Variants in PCDHA5 observed in about 807,000 individuals in gnomAD.
The protein encoded by PCDHA5 is protocadherin alpha-5.
PCDHA5 carries 43 observed loss-of-function variants against 61.6 expected under a neutral mutation model. That is an observed-to-expected ratio of 0.70 (90% CI 0.55 to 0.90). The LOEUF is 0.90. PCDHA5 is among the 40% of genes least tolerant of loss of function. The pLI is 0.00. For synonymous variants in PCDHA5, 627 were observed against 543.9 expected (o/e 1.15, Z -2.13); for missense variants, 1,298 against 1,222.7 (o/e 1.06, Z -0.92).
chr5:140,861,442 G>T (rs251368), intron 1 of PCDHA5: 232,262 of 488,424 alleles, frequency 0.48, 56,771 homozygotes, highest in South Asian at 0.56. Context: ...TCCAAAAGCC[G>T]CAGAAACCTT....
At chr5:140,873,291 T>G (rs1392246125) in intron 1 of PCDHA5, among the ~76,000 whole-genome samples, 1 of 152,198 alleles carries the variant, frequency 6.6e-6, no homozygotes, top group Admixed American at 6.5e-5. Context: ...TTATGAAACT[T>G]TATAAATATA....
At chr5:140,852,905 G>C in intron 1 of PCDHA5, 3 of 819,178 alleles carry the variant, frequency 3.7e-6, no homozygotes, top group Non-Finnish European at 4.5e-6. Flanking sequence ...TTGAGTCAGA[G>C]TCTCGCTCTG....
intron 1 of PCDHA5, chr5:140,830,082 C>G: frequency 6.2e-7 from 1 of 1,613,566 alleles, no homozygotes; most frequent in Non-Finnish European, 8.5e-7. Context: ...GCGACGGCCA[C>G]GGTTCTGGTG....
chr5:140,951,544 G>T (rs543008494), intron 1 of PCDHA5, among the ~76,000 whole-genome samples: 1 of 151,878 alleles, frequency 6.6e-6, no homozygotes, highest in Non-Finnish European at 1.5e-5. Flanking sequence ...AGCAAGGGAC[G>T]GGGGGAAGTG....
chr5:140,882,767 G>T lies in PCDHA5; in HGVS notation c.2352+58640G>T, dbSNP rs1348655523. ...CGATGCAGATATTGGAGTAAACTCG[G>T]CATTGACCTACCGACTGGATCCCAA... On this transcript the variant is annotated intron_variant, in intron 1 of 3. Transcript: ENST00000529859. 1.9e-6 allele frequency: 3 copies of T among 1,614,058 alleles called. No individual in the cohort carries two copies. The South Asian group carries it at 3.3e-5, about 18-fold the overall frequency.
chr5:140,954,737 T>C (rs1208625491), intron 1 of PCDHA5, among the ~76,000 whole-genome samples: 38 of 152,210 alleles, frequency 2.5e-4, no homozygotes, highest in Non-Finnish European at 1.5e-5. Flanking sequence ...TTCACTCTGA[T>C]GATAGTTTCT....
rs2095730579 is a variant in PCDHA5 at position 140,963,035 on chromosome 5, T to C, written c.2353-15914T>C. Among the ~76,000 whole-genome samples, 3 of 152,330 alleles carry C rather than the reference T, an allele frequency of 2.0e-5. No individual in the cohort carries two copies. The South Asian group carries it at 6.2e-4, about 32-fold the overall frequency. On this transcript the variant is annotated intron_variant, in intron 1 of 3. Transcript: ENST00000529859. ...AAGAAAATGAAGCAATTAACATTTA[T>C]TGAGAGTCTATAAGGGTTTCTACAT...
chr5:140,884,116 C>T (rs1554181240), intron 1 of PCDHA5: 2 of 1,613,304 alleles, frequency 1.2e-6, no homozygotes, highest in South Asian at 2.2e-5. Context: ...TGGCGGCGGT[C>T]GGCGCGCGCA....
intron 1 of PCDHA5, among the ~76,000 whole-genome samples, chr5:140,917,537 A>G (rs1433498846): frequency 2.0e-5 from 3 of 152,222 alleles, no homozygotes; most frequent in Middle Eastern, 3.2e-3. Flanking sequence ...GTATAGTTTT[A>G]GGTTTTACAT....
chr5:140,993,631 G>A (rs1466996708), intron 3 of PCDHA5, among the ~76,000 whole-genome samples: 2 of 152,162 alleles, frequency 1.3e-5, no homozygotes, highest in African/African-American at 2.4e-5. Context: ...ATATATAGTC[G>A]TGTACCAAAT....
At chr5:140,858,550 C>G (rs1554151768) in intron 1 of PCDHA5, 1 of 1,392,416 alleles carries the variant, frequency 7.2e-7, no homozygotes, top group Non-Finnish European at 9.9e-7. Context: ...TCCATTTATG[C>G]TTGAATATTT....
intron 1 of PCDHA5, chr5:140,856,542 C>T (rs1229307542): frequency 6.3e-7 from 1 of 1,598,136 alleles, no homozygotes; most frequent in Non-Finnish European, 8.6e-7. Flanking sequence ...GGAGAGAACG[C>T]ATTGCTTACT....
At chr5:140,853,981 T>C (rs1380460625) in intron 1 of PCDHA5, 1 of 543,664 alleles carries the variant, frequency 1.8e-6, no homozygotes, top group East Asian at 1.4e-4. Context: ...GAGACCAATG[T>C]AGTGAGACTC....
chr5:140,903,987 C>A (rs1324981597), intron 1 of PCDHA5, among the ~76,000 whole-genome samples: 1 of 152,146 alleles, frequency 6.6e-6, no homozygotes, highest in Non-Finnish European at 1.5e-5. Flanking sequence ...CACAATGTAA[C>A]AGCTACAAAT....
intron 1 of PCDHA5, chr5:140,856,360 C>G: frequency 6.3e-7 from 1 of 1,598,550 alleles, no homozygotes; most frequent in Non-Finnish European, 8.6e-7. Flanking sequence ...GCAGCATCCA[C>G]CTGGAGGTGA....
chr5:140,966,922 G>A (rs782206344), intron 1 of PCDHA5: 5 of 1,603,072 alleles, frequency 3.1e-6, no homozygotes, highest in Non-Finnish European at 4.2e-6. Context: ...CAGAGGAGCA[G>A]GCACCCGGCG....
intron 1 of PCDHA5, among the ~76,000 whole-genome samples, chr5:140,909,254 G>A (rs915513119): frequency 6.6e-6 from 1 of 152,334 alleles, no homozygotes; most frequent in East Asian, 1.9e-4. Context: ...TGCTGGCCTT[G>A]CTGACTGAAG....
At position 140,928,355 on chromosome 5, in the gene PCDHA5, T is replaced by C. The variant is rs368876306; in HGVS notation, c.2353-50594T>C. On this transcript the variant is annotated intron_variant, in intron 1 of 3. Coordinates refer to ENST00000529859, the MANE Select transcript of PCDHA5 (RefSeq NM_018908.3). ...GTCTCTTATGAGCTGTTGGATGTTA[T>C]CTCTGAAGGGCCATCAGCCTCTAGC... 8.1e-6 allele frequency: 13 copies of C among 1,614,062 alleles called. No individual in the cohort carries two copies. The African/African-American group carries it at 1.6e-4, about 20-fold the overall frequency.
intron 1 of PCDHA5, chr5:140,877,657 G>A: frequency 6.2e-7 from 1 of 1,613,570 alleles, no homozygotes; most frequent in Non-Finnish European, 8.5e-7. Flanking sequence ...GCCGCCCACC[G>A]TGAGCCGGTG....
Sources: allele counts gnomAD v4.1 joint callset (sites outside exome capture counted in the v4.1 genomes callset), GRCh38; gene constraint gnomAD v4.1.1; transcripts MANE v1.5; gene names NCBI Gene and HGNC (gene_info 2026-07-23, HGNC 2026-07-21).